The following HS6ST3 variants were observed in gnomAD, a reference collection of about 807,000 sequenced individuals.
The protein encoded by HS6ST3 is heparan sulfate 6-O-sulfotransferase 3.
Under a neutral mutation model 36.7 loss-of-function variants are expected in HS6ST3, and 12 were observed. The observed-to-expected ratio is 0.33, with a 90% CI of 0.21 to 0.53. HS6ST3 has a LOEUF of 0.53. HS6ST3 is among the 20% of genes least tolerant of loss of function. The pLI is 0.95. For synonymous variants in HS6ST3, 240 were observed against 257.5 expected (o/e 0.93, Z 0.65); for missense variants, 584 against 640.9 (o/e 0.91, Z 0.96).
At chr13:96,776,853 C>T (rs1877398649) in intron 1 of HS6ST3, among the ~76,000 whole-genome samples, 1 of 152,138 alleles carries the variant, frequency 6.6e-6, no homozygotes, top group South Asian at 2.1e-4. Context: ...AGACCAGCAT[C>T]ATCCTGATAG....
At chr13:96,336,960 T>G (rs1415740629) in intron 1 of HS6ST3, among the ~76,000 whole-genome samples, 1 of 152,214 alleles carries the variant, frequency 6.6e-6, no homozygotes, top group Non-Finnish European at 1.5e-5. Flanking sequence ...TACCATGTGA[T>G]TAGTTTTCTA....
chr13:96,704,638 C>A (rs1255509173), intron 1 of HS6ST3, among the ~76,000 whole-genome samples: 1 of 152,100 alleles, frequency 6.6e-6, no homozygotes, highest in Admixed American at 6.5e-5. Context: ...TGCAGGTCCT[C>A]TGAAGAGTTG....
chr13:96,310,676 C>T (rs966388087), intron 1 of HS6ST3, among the ~76,000 whole-genome samples: 1 of 145,632 alleles, frequency 6.9e-6, no homozygotes, highest in Non-Finnish European at 1.5e-5. Context: ...TGCCTATCTC[C>T]CTCCCTCCCT....
chr13:96,281,644 A>T (rs967030356), intron 1 of HS6ST3, among the ~76,000 whole-genome samples: 1 of 152,196 alleles, frequency 6.6e-6, no homozygotes, highest in African/African-American at 2.4e-5. Context: ...TCTTGAAATT[A>T]CTGGAAATGT....
intron 1 of HS6ST3, among the ~76,000 whole-genome samples, chr13:96,743,001 T>G (rs765808216): frequency 2.0e-5 from 3 of 152,018 alleles, no homozygotes; most frequent in Non-Finnish European, 4.4e-5. Flanking sequence ...AAGAGGAGAG[T>G]GTCCACTCTA....
chr13:96,352,680 A>G (rs1042595974), intron 1 of HS6ST3, among the ~76,000 whole-genome samples: 1 of 152,196 alleles, frequency 6.6e-6, no homozygotes. Context: ...GGCTGCTACC[A>G]TAGAAGGTTT....
intron 1 of HS6ST3, among the ~76,000 whole-genome samples, chr13:96,118,492 G>A (rs564075): frequency 0.84 from 127,613 of 151,304 alleles, 54,015 homozygotes; most frequent in East Asian, 0.91. Flanking sequence ...CTAGCAAACT[G>A]ATACAGATGC....
chr13:96,457,528 A>G (rs1331071205), intron 1 of HS6ST3, among the ~76,000 whole-genome samples: 1 of 152,190 alleles, frequency 6.6e-6, no homozygotes, highest in African/African-American at 2.4e-5. Flanking sequence ...GGTACTAGAC[A>G]TTTTAATGGA....
chr13:96,168,919 A>G (rs2054173785), intron 1 of HS6ST3, among the ~76,000 whole-genome samples: 2 of 151,814 alleles, frequency 1.3e-5, no homozygotes, highest in Non-Finnish European at 2.9e-5. Context: ...CCCTCACCCC[A>G]TCTCACTCTC....
At chr13:96,174,736 ATAT>A (rs1180579909) in intron 1 of HS6ST3, among the ~76,000 whole-genome samples, 2 of 152,232 alleles carry the variant, frequency 1.3e-5, no homozygotes, top group African/African-American at 4.8e-5. Flanking sequence ...GATCAAATAA[ATAT>A]TATTTACTGT....
At chr13:96,810,425 T>C (rs1194097392) in intron 1 of HS6ST3, among the ~76,000 whole-genome samples, 3 of 152,200 alleles carry the variant, frequency 2.0e-5, no homozygotes, top group African/African-American at 7.2e-5. Context: ...TGTACTATTA[T>C]GACCATAAAA....
At chr13:96,520,859 C>G (rs1470255828) in intron 1 of HS6ST3, among the ~76,000 whole-genome samples, 1 of 152,028 alleles carries the variant, frequency 6.6e-6, no homozygotes, top group African/African-American at 2.4e-5. Context: ...GCCTGATTGC[C>G]CTGGCCAGAG....
chr13:96,538,737 C>T (rs1219450279), intron 1 of HS6ST3, among the ~76,000 whole-genome samples: 1 of 152,198 alleles, frequency 6.6e-6, no homozygotes, highest in Non-Finnish European at 1.5e-5. Context: ...AGCCACCATG[C>T]CCAGCTAAGC....
intron 1 of HS6ST3, among the ~76,000 whole-genome samples, chr13:96,721,456 G>A (rs1875844053): frequency 6.6e-6 from 1 of 151,978 alleles, no homozygotes; most frequent in Admixed American, 6.6e-5. Flanking sequence ...TTATATTCAA[G>A]GAATATTTAC....
At chr13:96,636,022 A>T in intron 1 of HS6ST3, among the ~76,000 whole-genome samples, 1 of 152,146 alleles carries the variant, frequency 6.6e-6, no homozygotes, top group Non-Finnish European at 1.5e-5. Flanking sequence ...GACTTCATCA[A>T]TTAAAGAAAC....
chr13:96,356,644 A>G (rs542744302), intron 1 of HS6ST3, among the ~76,000 whole-genome samples: 2 of 152,338 alleles, frequency 1.3e-5, no homozygotes, highest in Non-Finnish European at 2.9e-5. Flanking sequence ...AACAGATTTG[A>G]TGTCATCCAC....
At chr13:96,254,323 A>G (rs2054621363) in intron 1 of HS6ST3, among the ~76,000 whole-genome samples, 5 of 143,966 alleles carry the variant, frequency 3.5e-5, no homozygotes, top group Admixed American at 2.8e-4. Flanking sequence ...CTGAGGCAGG[A>G]GAATTGCTTG....
At chr13:96,703,156 A>T (rs2138454346) in intron 1 of HS6ST3, among the ~76,000 whole-genome samples, 1 of 152,354 alleles carries the variant, frequency 6.6e-6, no homozygotes, top group Non-Finnish European at 1.5e-5. Context: ...GGCAGAAGAA[A>T]ACTGTTATCA....
At chr13:96,275,783 T>C (rs963057390) in intron 1 of HS6ST3, among the ~76,000 whole-genome samples, 2 of 152,152 alleles carry the variant, frequency 1.3e-5, no homozygotes, top group Admixed American at 1.3e-4. Context: ...CAATAAAGAC[T>C]TTTCTGAAAT....
Sources: allele counts gnomAD v4.1 joint callset (sites outside exome capture counted in the v4.1 genomes callset), GRCh38; gene constraint gnomAD v4.1.1; transcripts MANE v1.5; gene names NCBI Gene and HGNC (gene_info 2026-07-23, HGNC 2026-07-21).